Variants in METTL15 observed in about 807,000 individuals in gnomAD.
The protein encoded by METTL15 is 12S rRNA N(4)-cytidine methyltransferase METTL15.
METTL15 carries 34 observed loss-of-function variants against 38.3 expected under a neutral mutation model. The ratio of observed to expected loss-of-function variants is 0.89; its 90% CI spans 0.68 to 1.18. The LOEUF is 1.18. Among genes scored for constraint, METTL15 ranks in the 50% most tolerant of loss-of-function variants. The pLI, the probability that METTL15 is intolerant of heterozygous loss-of-function variation, is 0.00. For synonymous variants in METTL15, 162 were observed against 170.9 expected (o/e 0.95, Z 0.41); for missense variants, 438 against 498.4 (o/e 0.88, Z 1.15).
intron 5 of METTL15, among the ~76,000 whole-genome samples, chr11:28,366,156 A>G (rs988472147): frequency 1.3e-5 from 2 of 152,292 alleles, no homozygotes; most frequent in Admixed American, 6.5e-5. Flanking sequence ...GTCATAGATC[A>G]TCTGGAATCT....
chr11:28,425,371 C>A (rs2133424427), intron 6 of METTL15, among the ~76,000 whole-genome samples: 1 of 152,292 alleles, frequency 6.6e-6, no homozygotes, highest in South Asian at 2.1e-4. Context: ...CCTCCTTGGC[C>A]CTGCATAATC....
At chr11:28,415,877 G>A (rs1850768218) in intron 5 of METTL15, among the ~76,000 whole-genome samples, 1 of 152,156 alleles carries the variant, frequency 6.6e-6, no homozygotes, top group African/African-American at 2.4e-5. Context: ...ATACAAGGTA[G>A]CTTACAGAAT....
At chr11:28,419,630 TATC>T (rs1208542097) in intron 5 of METTL15, among the ~76,000 whole-genome samples, 3 of 152,062 alleles carry the variant, frequency 2.0e-5, no homozygotes, top group African/African-American at 7.2e-5. Flanking sequence ...CAAGCATCAA[TATC>T]ATCCAGGAAA....
At chr11:28,308,414 T>C (rs1857153515) in intron 6 of METTL15, among the ~76,000 whole-genome samples, 1 of 152,172 alleles carries the variant, frequency 6.6e-6, no homozygotes, top group South Asian at 2.1e-4. Context: ...CTCTGTGTTA[T>C]AATCTAGGTA....
chr11:28,444,983 T>A (rs1851063486), intron 6 of METTL15, among the ~76,000 whole-genome samples: 1 of 152,102 alleles, frequency 6.6e-6, no homozygotes, highest in African/African-American at 2.4e-5. Context: ...AGGAGCTGGC[T>A]ACAGTCCTGG....
At chr11:28,257,190 C>T (rs1427183189) in intron 4 of METTL15, among the ~76,000 whole-genome samples, 1 of 152,064 alleles carries the variant, frequency 6.6e-6, no homozygotes, top group East Asian at 1.9e-4. Flanking sequence ...TTTCTTTCAG[C>T]ACTTGAAATC....
chr11:28,344,942 T>C (rs1171935686), intron 3 of METTL15, among the ~76,000 whole-genome samples: 1 of 152,234 alleles, frequency 6.6e-6, no homozygotes, highest in Non-Finnish European at 1.5e-5. Flanking sequence ...TTCAAATTTT[T>C]TCACCATGTA....
At chr11:28,307,472 C>T (rs1312869400) in intron 6 of METTL15, among the ~76,000 whole-genome samples, 1 of 151,828 alleles carries the variant, frequency 6.6e-6, no homozygotes, top group Non-Finnish European at 1.5e-5. Context: ...GTAAAGAAGG[C>T]CTTTTAATCA....
chr11:28,391,896 T>A (rs1055317929), intron 5 of METTL15, among the ~76,000 whole-genome samples: 1 of 152,166 alleles, frequency 6.6e-6, no homozygotes, highest in Non-Finnish European at 1.5e-5. Flanking sequence ...ATTCAGGACA[T>A]AGACATGGGT....
chr11:28,236,239 G>A (rs1241957480), intron 4 of METTL15, among the ~76,000 whole-genome samples: 1 of 152,108 alleles, frequency 6.6e-6, no homozygotes, highest in Non-Finnish European at 1.5e-5. Flanking sequence ...TTGCATCAAT[G>A]TTCATCAAGG....
chr11:28,221,589 G>T (rs1853224955), intron 4 of METTL15, among the ~76,000 whole-genome samples: 1 of 151,612 alleles, frequency 6.6e-6, no homozygotes, highest in Non-Finnish European at 1.5e-5. Flanking sequence ...TTTTCCGTTG[G>T]TGGTGAGGAG....
chr11:28,369,147 A>G (rs1197013035), intron 5 of METTL15, among the ~76,000 whole-genome samples: 2 of 152,096 alleles, frequency 1.3e-5, no homozygotes, highest in Non-Finnish European at 2.9e-5. Context: ...AACTTAAAGC[A>G]TAATTTAAAA....
chr11:28,379,319 T>C (rs1356773325), intron 5 of METTL15, among the ~76,000 whole-genome samples: 2 of 152,150 alleles, frequency 1.3e-5, no homozygotes, highest in Non-Finnish European at 2.9e-5. Flanking sequence ...TTGAAGTCTT[T>C]CTGCTTTTTT....
intron 6 of METTL15, among the ~76,000 whole-genome samples, chr11:28,433,552 T>TAAA: frequency 6.6e-6 from 1 of 152,262 alleles, no homozygotes; most frequent in East Asian, 1.9e-4. Context: ...ACAAGACAAT[T>TAAA]AATGAACGCA....
chr11:28,389,684 A>G (rs902507760), intron 5 of METTL15, among the ~76,000 whole-genome samples: 8 of 151,882 alleles, frequency 5.3e-5, no homozygotes, highest in Non-Finnish European at 7.4e-5. Flanking sequence ...TAGTGCCACA[A>G]TAAACATACG....
intron 6 of METTL15, among the ~76,000 whole-genome samples, chr11:28,459,355 A>G (rs1015020665): frequency 1.3e-5 from 2 of 152,194 alleles, no homozygotes; most frequent in African/African-American, 4.8e-5. Flanking sequence ...CTGATGCCCA[A>G]TGGATTTAAA....
chr11:28,190,000 G>A (rs1280372962), intron 3 of METTL15, among the ~76,000 whole-genome samples: 1 of 150,980 alleles, frequency 6.6e-6, no homozygotes, highest in Non-Finnish European at 1.5e-5. Context: ...TCCATAGAGT[G>A]CTCTGTATTT....
At chr11:28,318,584 AT>A (rs1265562673) in intron 6 of METTL15, among the ~76,000 whole-genome samples, 9 of 152,212 alleles carry the variant, frequency 5.9e-5, no homozygotes, top group African/African-American at 1.9e-4. Context: ...AGTTTTCTCT[AT>A]CAACATTTCT....
chr11:28,237,904 G>C (rs1854082568), intron 4 of METTL15, among the ~76,000 whole-genome samples: 1 of 152,208 alleles, frequency 6.6e-6, no homozygotes. Context: ...AGCAGCGGTG[G>C]CTGCAGAACC....
Sources: gnomAD v4.1 joint callset for allele counts (sites outside exome capture counted in the v4.1 genomes callset) on GRCh38, gnomAD v4.1.1 for gene constraint, MANE v1.5 for transcripts, NCBI Gene and HGNC (gene_info 2026-07-23, HGNC 2026-07-21) for gene names.